MS4A8: variants seen among roughly 807,000 people sequenced by gnomAD.
MS4A8 encodes membrane-spanning 4-domains subfamily A member 8.
A neutral mutation model predicts 23.7 loss-of-function variants in MS4A8; 27 were observed. The ratio of observed to expected loss-of-function variants is 1.14; its 90% CI spans 0.84 to 1.57. The LOEUF (loss-of-function observed/expected upper bound fraction) is 1.57, where lower values mean the gene tolerates loss of function less well. MS4A8 is among the 40% of genes most tolerant of loss of function. MS4A8 has a pLI of 0.00. For missense variants in MS4A8, 301 were observed against 311.4 expected, an observed-to-expected ratio of 0.97 and a Z score of 0.25; for synonymous variants, 138 against 126.3, an observed-to-expected ratio of 1.09 and a Z score of -0.62.
At chr11:60,713,675 G>A (rs111844425) in intron 5 of MS4A8, among the ~76,000 whole-genome samples, 15,715 of 151,862 alleles carry the variant, frequency 0.1, 839 homozygotes, top group South Asian at 0.17. Context: ...GCAAAGAGCC[G>A]TTCCTTCCTC....
At position 60,715,122 on chromosome 11, in the gene MS4A8, T is replaced by A. The variant is rs755242221; in HGVS notation, c.636T>A (p.Cys212Ter). Residue 212 changes from cysteine (C) to a stop codon, truncating the protein, a stop_gained, in exon 6 of 7, where the codon TGT becomes TGA. Transcript: ENST00000300226. LOFTEE classifies it low-confidence loss of function (END_TRUNC). ...ACTTTGGCTGCCAGTTGGTCTGCTG[T>A]CAATCAAGCAATGTGAGTCCCAGGG... is the stretch of plus-strand genomic sequence containing the variant. ...SSHFGCQLVCCQSSNVSVIYP... is the reference protein window; with the variant it reads ...SSHFGCQLVC 3.1e-6 allele frequency: 5 copies of A among 1,613,398 alleles called. No homozygotes were observed. In the South Asian group the frequency reaches 5.5e-5, roughly 18 times the overall value.
At position 60,700,225 on chromosome 11, in the gene MS4A8, T is replaced by C. The variant is rs547205946; in HGVS notation, c.-2+450T>C. On this transcript the variant is annotated intron_variant, in intron 1 of 6. Transcript: ENST00000300226. ...GTTCTGAACTTTTGCTTTCAGCCAGTACTAACATATGCAAAGCAGCACTCT... is the reference window on the plus strand; with the variant it reads ...GTTCTGAACTTTTGCTTTCAGCCAGCACTAACATATGCAAAGCAGCACTCT... 3.2e-3 allele frequency among the ~76,000 whole-genome samples: 485 copies of C among 152,340 alleles called. 1 individual carries two copies. The highest frequency in any genetic ancestry group is 5.7e-3 in the Non-Finnish European group (391 of 68,036).
intron 5 of MS4A8, 105 bp from the exon 6 acceptor site, chr11:60,714,916 G>A (rs2088329851): frequency 6.4e-6 from 5 of 787,298 alleles, no homozygotes; most frequent in Non-Finnish European, 1.1e-5. Context: ...GAGAGGATAG[G>A]GGACTTCCGC....
At chr11:60,701,116 C>T in intron 2 of MS4A8, 37 bp downstream of exon 2, 1 of 1,545,214 alleles carries the variant, frequency 6.5e-7, no homozygotes, top group Middle Eastern at 1.7e-4. Flanking sequence ...ACAGACTGCA[C>T]AGCTGGAGTG....
chr11:60,710,059 G>T (rs1056098912), intron 5 of MS4A8, among the ~76,000 whole-genome samples: 1 of 151,966 alleles, frequency 6.6e-6, no homozygotes, highest in African/African-American at 2.4e-5. Flanking sequence ...TTCTCGGAGG[G>T]ACTTTGCTTG....
intron 5 of MS4A8, among the ~76,000 whole-genome samples, chr11:60,713,559 C>T (rs1411323551): frequency 6.6e-6 from 1 of 152,182 alleles, no homozygotes; most frequent in African/African-American, 2.4e-5. Flanking sequence ...AGCCCTAAGG[C>T]AGTTTTCCCC....
chr11:60,704,833 C>CAT (rs2088240155), intron 3 of MS4A8, among the ~76,000 whole-genome samples: 1 of 107,920 alleles, frequency 9.3e-6, no homozygotes, highest in African/African-American at 3.4e-5. Flanking sequence ...CACACACACA[C>CAT]ACATACACAC....
At chr11:60,713,778 A>G (rs576581407) in intron 5 of MS4A8, among the ~76,000 whole-genome samples, 8 of 151,804 alleles carry the variant, frequency 5.3e-5, no homozygotes, top group African/African-American at 1.7e-4. Flanking sequence ...ATTTCAGACT[A>G]TCACATGGGG....
intron 3 of MS4A8, among the ~76,000 whole-genome samples, chr11:60,705,656 G>A (rs552616241): frequency 2.6e-5 from 4 of 152,320 alleles, no homozygotes; most frequent in African/African-American, 9.6e-5. Flanking sequence ...TCCACTCATA[G>A]GAGAATATGG....
At position 60,715,148 on chromosome 11, in the gene MS4A8, T is replaced by C. The variant is rs745613332; in HGVS notation, c.648+14T>C. ...CAATCAAGCAATGTGAGTCCCAGGG[T>C]TCCTCAGTGGGTGGAAAGATGCCCC... On this transcript the variant is annotated intron_variant, in intron 6 of 6. Transcript: ENST00000300226. The C allele has an allele frequency of 1.9e-6, 3 of 1,595,560 alleles. No homozygotes were observed. The South Asian group carries it at 3.3e-5, about 18-fold the overall frequency.
At position 60,700,805 on chromosome 11, in the gene MS4A8, T is replaced by C. The variant is rs1366256890; in HGVS notation, c.-1-55T>C. 3.8e-6 allele frequency: 6 copies of C among 1,580,406 alleles called. No individual in the cohort carries two copies. In the African/African-American group the frequency reaches 4.0e-5, roughly 11 times the overall value. On this transcript the variant is annotated intron_variant, in intron 1 of 6. Transcript: ENST00000300226. ...GAGCTAGAAGAAGCAAAAGTCCTTT[T>C]TAAAGGACAAGTCCATATGTGAGGG... is the stretch of plus-strand genomic sequence containing the variant.
At chr11:60,713,909 CTTTTTTTTTTTT>C (rs1170997070) in intron 5 of MS4A8, among the ~76,000 whole-genome samples, 2,450 of 101,912 alleles carry the variant, frequency 0.024, 245 homozygotes, top group African/African-American at 0.081. Flanking sequence ...GGTGATGACT[CTTTTTTTTTTTT>C]TTTTTTTTTT....
chr11:60,708,441 GATGGTGGCA>G (rs2088275555), intron 4 of MS4A8, among the ~76,000 whole-genome samples, 200 bp from the exon 5 acceptor site: 1 of 152,226 alleles, frequency 6.6e-6, no homozygotes, highest in Non-Finnish European at 1.5e-5. Context: ...TATAGAGATG[GATGGTGGCA>G]ATGGTTGCAC....
Position 60,715,426 on chromosome 11 carries a change from C to T in MS4A8, c.*12C>T, listed in dbSNP as rs2088335816. ...AAGCAAATAAGTAAGGCTACAGATT[C>T]TGGAAGCATCTTTCACTGGGACCAA... is the stretch of plus-strand genomic sequence containing the variant. On this transcript the variant is annotated 3_prime_UTR_variant, in exon 7 of 7. Coordinates refer to ENST00000300226, the MANE Select transcript of MS4A8 (RefSeq NM_031457.2). 1 of 1,602,886 alleles carries T rather than the reference C, an allele frequency of 6.2e-7. No homozygotes were observed. The highest frequency in any genetic ancestry group is 8.5e-7 in the Non-Finnish European group (1 of 1,170,460).
rs2088185342 is a variant in MS4A8, at chr11:60,699,718, TC to T, written c.-55del. 1 of 151,974 alleles carries T rather than the reference TC, an allele frequency of 6.6e-6. No individual in the cohort carries two copies. The highest frequency in any genetic ancestry group is 1.5e-5 in the Non-Finnish European group (1 of 68,044). The allele number at this position is 151,974 out of a possible 1,614,324, so 9.4% of individuals were successfully genotyped here. Reference sequence around the variant, plus strand: ...CATTCTCTCAGGAAAAAAAACAAGGTCCCCACAGCAAAGAAAAGGAATAGGA... The same window carrying T: ...CATTCTCTCAGGAAAAAAAACAAGGTCCCACAGCAAAGAAAAGGAATAGGA... On this transcript the variant is annotated 5_prime_UTR_variant, in exon 1 of 7. Transcript: ENST00000300226.
intron 5 of MS4A8, chr11:60,712,560 G>A (rs1468575690): frequency 5.5e-6 from 5 of 906,286 alleles, no homozygotes; most frequent in East Asian, 1.2e-4. Context: ...TTGGGAGACC[G>A]AGGCAGGTGG....
rs149463418 is a variant in MS4A8, at chr11:60,710,158, T to C, written c.534+1377T>C. Among the ~76,000 whole-genome samples the C allele has an allele frequency of 5.4e-3, 829 of 152,288 alleles. 4 individuals are homozygous for C. The highest frequency in any genetic ancestry group is 0.019 in the African/African-American group (788 of 41,562). On this transcript the variant is annotated intron_variant, in intron 5 of 6. Coordinates refer to ENST00000300226, the MANE Select transcript of MS4A8 (RefSeq NM_031457.2). ...CCAATCTCTTAGGCTCAATAATTGG[T>C]TCTCTGGTTTTCTTTCTGTACTCAT...
chr11:60,714,649 G>A (rs1474883662), intron 5 of MS4A8, among the ~76,000 whole-genome samples: 1 of 151,886 alleles, frequency 6.6e-6, no homozygotes, highest in Non-Finnish European at 1.5e-5. Flanking sequence ...CCATCTCCCT[G>A]TTCTCTCTGT....
intron 5 of MS4A8, among the ~76,000 whole-genome samples, chr11:60,709,498 G>C (rs1028669202): frequency 6.6e-6 from 1 of 152,148 alleles, no homozygotes; most frequent in Non-Finnish European, 1.5e-5. Flanking sequence ...ATAAAAACTT[G>C]GTTTGCTATT....
Sources: allele counts gnomAD v4.1 joint callset (sites outside exome capture counted in the v4.1 genomes callset), GRCh38; gene constraint gnomAD v4.1.1; transcripts MANE v1.5; gene names NCBI Gene and HGNC (gene_info 2026-07-23, HGNC 2026-07-21).